Variants in KCTD1 observed in about 807,000 individuals in gnomAD.
The protein encoded by KCTD1 is potassium channel tetramerization domain containing 1.
A neutral mutation model predicts 66.0 loss-of-function variants in KCTD1; 24 were observed. That is an observed-to-expected ratio of 0.36 (90% confidence interval 0.26 to 0.51). KCTD1 has a LOEUF of 0.51. Ranked by LOEUF, KCTD1 falls within the 20% of genes least tolerant of loss-of-function variation. KCTD1 has a pLI of 0.95. For missense variants in KCTD1, 943 were observed against 1,205.2 expected (o/e 0.78, Z 3.22); for synonymous variants, 511 against 517.2 (o/e 0.99, Z 0.16).
At chr18:26,656,500 G>T (rs1163638116) in intron 1 of KCTD1, among the ~76,000 whole-genome samples, 1 of 151,908 alleles carries the variant, frequency 6.6e-6, no homozygotes, top group East Asian at 2.0e-4. Context: ...CTTTAAAGGC[G>T]CCTGGGTGGG....
At chr18:26,513,404 T>C (rs749628530) in intron 1 of KCTD1, among the ~76,000 whole-genome samples, 2 of 152,066 alleles carry the variant, frequency 1.3e-5, no homozygotes, top group Non-Finnish European at 2.9e-5. Flanking sequence ...TGTATTATTT[T>C]TAAATAAGAC....
chr18:26,522,951 T>C (rs1391713944), intron 1 of KCTD1, among the ~76,000 whole-genome samples: 1 of 152,236 alleles, frequency 6.6e-6, no homozygotes, highest in Non-Finnish European at 1.5e-5. Flanking sequence ...CCTTGTATAC[T>C]GCTCCATGAA....
chr18:26,482,539 C>T (rs1042767584), intron 2 of KCTD1, among the ~76,000 whole-genome samples: 10 of 152,272 alleles, frequency 6.6e-5, no homozygotes, highest in Middle Eastern at 3.4e-3. Flanking sequence ...AAAACTCTTA[C>T]GGGATTTGTC....
intron 1 of KCTD1, among the ~76,000 whole-genome samples, chr18:26,577,589 C>T (rs1450286646): frequency 2.0e-5 from 3 of 151,514 alleles, no homozygotes; most frequent in African/African-American, 7.3e-5. Flanking sequence ...CTCTGTCATC[C>T]AGGCTGAAAT....
intron 1 of KCTD1, among the ~76,000 whole-genome samples, chr18:26,507,452 C>A (rs1240460626): frequency 6.6e-6 from 1 of 152,166 alleles, no homozygotes; most frequent in Non-Finnish European, 1.5e-5. Flanking sequence ...TCACTGAAGC[C>A]TTGAGCTCCT....
upstream of KCTD1, among the ~76,000 whole-genome samples, chr18:26,642,117 A>G (rs930443226): frequency 6.6e-5 from 10 of 152,254 alleles, no homozygotes; most frequent in African/African-American, 2.2e-4. Context: ...AATCACTGCA[A>G]TGCTGGGTGG....
At chr18:26,501,020 G>C in intron 2 of KCTD1, 52 bp downstream of exon 2, 1 of 1,583,914 alleles carries the variant, frequency 6.3e-7, no homozygotes, top group Admixed American at 1.7e-5. Context: ...AGGAAAAACA[G>C]GTTACCAAAT....
chr18:26,523,607 G>A (rs555147588), intron 1 of KCTD1, among the ~76,000 whole-genome samples: 154 of 136,708 alleles, frequency 1.1e-3, no homozygotes, highest in African/African-American at 4.0e-3. Context: ...ACAACACAGC[G>A]AGATCCTCTC....
rs556110546 is a variant in KCTD1 at position 26,627,585 on chromosome 18, C to G, written c.-16+1562G>C. Among the ~76,000 whole-genome samples, 40 of 152,296 alleles carry G rather than the reference C, an allele frequency of 2.6e-4. 1 individual carries two copies. In the South Asian group the frequency reaches 8.1e-3, roughly 31 times the overall value. ...ATTCTCTTTTTGGAACCTGGGTCCTCTAAGGAAATGCTCTGTTGTAATGAA... is the reference window on the plus strand; with the variant it reads ...ATTCTCTTTTTGGAACCTGGGTCCTGTAAGGAAATGCTCTGTTGTAATGAA... On this transcript the variant is annotated intron_variant, in intron 1 of 4. Coordinates refer to the KCTD1 transcript ENST00000317932.
intron 1 of KCTD1, 52 bp from the exon 2 acceptor site, chr18:26,501,302 T>C (rs540916883): frequency 2.6e-5 from 39 of 1,473,714 alleles, no homozygotes; most frequent in African/African-American, 9.7e-5. Context: ...AGTAGAAAGA[T>C]AGGAAATACA....
chr18:26,599,278 C>T, intron 1 of KCTD1: 1 of 734,102 alleles, frequency 1.4e-6, no homozygotes, highest in Non-Finnish European at 2.2e-6. Flanking sequence ...ATTCCTTCTC[C>T]ATTGAATTGT....
intron 1 of KCTD1, among the ~76,000 whole-genome samples, chr18:26,531,150 T>A (rs1984416556): frequency 6.6e-6 from 1 of 152,038 alleles, no homozygotes; most frequent in Non-Finnish European, 1.5e-5. Context: ...ATAACCATTA[T>A]TTTTTTGAAG....
chr18:26,648,386 A>G (rs1201462330), intron 1 of KCTD1, among the ~76,000 whole-genome samples: 2 of 152,196 alleles, frequency 1.3e-5, no homozygotes, highest in Non-Finnish European at 2.9e-5. Flanking sequence ...AGCCCCATAT[A>G]CTCTCACTGC....
upstream of KCTD1, among the ~76,000 whole-genome samples, chr18:26,631,928 T>C (rs1210273134): frequency 6.6e-6 from 1 of 151,302 alleles, no homozygotes. Context: ...CGGGCGCCTG[T>C]AGTCCCAGCT....
chr18:26,460,698 T>TG (rs1295718017), intron 3 of KCTD1: 1 of 152,232 alleles, frequency 6.6e-6, no homozygotes, highest in African/African-American at 2.4e-5. Context: ...TCTGCATTTC[T>TG]GAAAGCAAGA....
At chr18:26,572,085 A>G (rs1986122513) in intron 1 of KCTD1, among the ~76,000 whole-genome samples, 1 of 146,360 alleles carries the variant, frequency 6.8e-6, no homozygotes, top group South Asian at 2.1e-4. Context: ...TTTGAGACGT[A>G]GTCTCGCTCT....
At chr18:26,592,243 G>GT (rs1362612964) in intron 1 of KCTD1, among the ~76,000 whole-genome samples, 2 of 152,092 alleles carry the variant, frequency 1.3e-5, no homozygotes, top group Non-Finnish European at 2.9e-5. Context: ...GTTAGAAACA[G>GT]TTTTTTTCTT....
At chr18:26,595,336 C>G (rs1986741929) in intron 1 of KCTD1, among the ~76,000 whole-genome samples, 1 of 152,192 alleles carries the variant, frequency 6.6e-6, no homozygotes, top group Non-Finnish European at 1.5e-5. Context: ...AAGTGCATCT[C>G]TAGTAACCTG....
intron 1 of KCTD1, among the ~76,000 whole-genome samples, chr18:26,505,964 T>C (rs1056967551): frequency 2.0e-5 from 3 of 151,998 alleles, no homozygotes; most frequent in Non-Finnish European, 4.4e-5. Context: ...CAGCTTCCGC[T>C]TCCCAGGTTC....
Sources: allele counts gnomAD v4.1 joint callset (sites outside exome capture counted in the v4.1 genomes callset), GRCh38; gene constraint gnomAD v4.1.1; transcripts MANE v1.5; gene names NCBI Gene and HGNC (gene_info 2026-07-23, HGNC 2026-07-21).